TMEM204: variants seen among roughly 807,000 people sequenced by gnomAD.
TMEM204 encodes claudin-like protein 24.
A neutral mutation model predicts 19.4 loss-of-function variants in TMEM204; 15 were observed. That is an observed-to-expected ratio of 0.77 (90% CI 0.52 to 1.19). The LOEUF (loss-of-function observed/expected upper bound fraction) is 1.19, where lower values mean the gene tolerates loss of function less well. Among genes scored for constraint, TMEM204 ranks in the 50% most tolerant of loss-of-function variants. The pLI is 0.00. For synonymous variants in TMEM204, 161 were observed against 146.0 expected, an observed-to-expected ratio of 1.10 and a Z score of -0.74; for missense variants, 287 against 321.2, an observed-to-expected ratio of 0.89 and a Z score of 0.81.
chr16:1,539,953 G>A (rs532885015), intron 1 of TMEM204, among the ~76,000 whole-genome samples: 33 of 152,302 alleles, frequency 2.2e-4, no homozygotes, highest in Non-Finnish European at 2.6e-4. Context: ...CACCCAGGCC[G>A]GAGCGGGCAC....
At position 1,534,306 on chromosome 16, in the gene TMEM204, G is replaced by A. The variant is rs764949974; in HGVS notation, c.31G>A (p.Val11Met). Residue 11 changes from valine to methionine, a missense_variant, in exon 1 of 3, where the codon GTG becomes ATG. Transcript: ENST00000566264. The part of the protein sequence containing the change: MTVQRLVAAA[V>M]LVALVSLILN... ...CGTGCAGAGACTCGTGGCCGCGGCC[G>A]TGCTGGTGGCCCTGGTCTCACTCAT... 6.2e-6 allele frequency: 10 copies of A among 1,612,514 alleles called. No individual in the cohort carries two copies. The Admixed American group carries it at 8.3e-5, about 13-fold the overall frequency.
At chr16:1,537,592 T>C (rs570617935) in intron 1 of TMEM204, among the ~76,000 whole-genome samples, 85 of 152,314 alleles carry the variant, frequency 5.6e-4, no homozygotes, top group African/African-American at 1.9e-3. Flanking sequence ...AGGGGTGCTC[T>C]TTCCCTGTGA....
At chr16:1,546,303 C>T (rs550528733) in intron 2 of TMEM204, among the ~76,000 whole-genome samples, 6 of 152,342 alleles carry the variant, frequency 3.9e-5, no homozygotes, top group East Asian at 1.9e-4. Flanking sequence ...TGGCACTCTC[C>T]GGTGCCTGAG....
chr16:1,530,238 T>G (rs1052613101), upstream of TMEM204, among the ~76,000 whole-genome samples: 1 of 150,270 alleles, frequency 6.7e-6, no homozygotes, highest in Admixed American at 6.7e-5. Context: ...TCCCGAGTGA[T>G]TCTCCTGCCT....
rs532314838 is a variant in TMEM204 at position 1,551,078 on chromosome 16, G to A, written c.437-3704G>A. 2.6e-5 allele frequency among the ~76,000 whole-genome samples: 4 copies of A among 152,244 alleles called. No individual in the cohort carries two copies. The highest frequency in any genetic ancestry group is 4.2e-4 in the South Asian group (2 of 4,818). On this transcript the variant is annotated intron_variant, in intron 2 of 2. Coordinates refer to ENST00000566264, the MANE Select transcript of TMEM204 (RefSeq NM_024600.6). The surrounding 1 kb of genome is among the most constrained non-coding windows in gnomAD (Gnocchi z 4.0). ...ACTGCCAAGGCTGCTGTTCCTCCTC[G>A]CCTTTCCCGCAGCTCCACACTGCAT...
chr16:1,539,616 G>A (rs2031430596), intron 1 of TMEM204, among the ~76,000 whole-genome samples: 1 of 152,258 alleles, frequency 6.6e-6, no homozygotes, highest in Non-Finnish European at 1.5e-5. Context: ...GAGCGCTATG[G>A]TTTCTAACTC....
intron 2 of TMEM204, among the ~76,000 whole-genome samples, chr16:1,550,681 C>A (rs2032560930): frequency 6.6e-6 from 1 of 152,192 alleles, no homozygotes; most frequent in South Asian, 2.1e-4. Flanking sequence ...TTTAGCCTTC[C>A]CACTTTTAAT....
chr16:1,534,571 T>C lies in TMEM204; in HGVS notation c.280+16T>C, dbSNP rs759836186. On this transcript the variant is annotated intron_variant, in intron 1 of 2. Coordinates refer to ENST00000566264, the MANE Select transcript of TMEM204 (RefSeq NM_024600.6). ...ACCGTCAAACGTAAGTCCAATTGTT[T>C]TCCTGATGCCTTCAGCGTGGCCGAG... 19 of 1,599,502 alleles carry C rather than the reference T, an allele frequency of 1.2e-5. No homozygotes were observed. The East Asian group carries it at 4.0e-4, about 34-fold the overall frequency.
chr16:1,533,947 C>T lies in TMEM204; in HGVS notation c.-329C>T, dbSNP rs1174973233. 5.1e-6 allele frequency: 2 copies of T among 390,198 alleles called. No individual in the cohort carries two copies. Among genetic ancestry groups the T allele is most frequent in the South Asian group, 3.2e-5 (1 of 31,126 alleles). 24.2% of individuals were successfully genotyped at this position (390,198 alleles called of 1,614,324 possible). Reference sequence around the variant, plus strand: ...CCACTGCTGCAGGCGAGAAGAGGCACGCGCGGCACAGGCCGGCCTCCGCTT... The same window carrying T: ...CCACTGCTGCAGGCGAGAAGAGGCATGCGCGGCACAGGCCGGCCTCCGCTT... On this transcript the variant is annotated 5_prime_UTR_variant, in exon 1 of 3. It adds an upstream start codon to the 5' untranslated region. Transcript: ENST00000566264. This position sits in a 1 kb window ranked among gnomAD's most constrained non-coding sequence, Gnocchi z 4.7.
Position 1,534,281 on chromosome 16 carries a change from C to G in TMEM204, c.6C>G (p.Thr2=). M[T]VQRLVAAAVL... is the part of the protein sequence containing the mutation. Reference sequence around the variant, plus strand: ...CGGCGGCACCGGCGTCAGCGATGACCGTGCAGAGACTCGTGGCCGCGGCCG... The same window carrying G: ...CGGCGGCACCGGCGTCAGCGATGACGGTGCAGAGACTCGTGGCCGCGGCCG... The change falls in exon 1 of 3, where the codon ACC becomes ACG. Residue 2 remains threonine, a synonymous_variant. Transcript: ENST00000566264. 1.9e-6 allele frequency: 3 copies of G among 1,611,928 alleles called. No homozygotes were observed. Among genetic ancestry groups the G allele is most frequent in the Non-Finnish European group, 2.5e-6 (3 of 1,179,804 alleles).
chr16:1,546,594 C>T (rs1289576868), intron 2 of TMEM204, among the ~76,000 whole-genome samples: 2 of 152,210 alleles, frequency 1.3e-5, no homozygotes, highest in Non-Finnish European at 2.9e-5. Context: ...AGGCGCATCC[C>T]ACGTGCTCCC....
intron 2 of TMEM204, among the ~76,000 whole-genome samples, chr16:1,544,884 G>C (rs950365998): frequency 6.6e-6 from 1 of 152,144 alleles, no homozygotes; most frequent in Admixed American, 6.5e-5. Context: ...TCCTGACCTT[G>C]TGATCCGCCC....
In TMEM204 at chr16:1,554,107, G is replaced by A. The variant is rs188137734; in HGVS notation, c.437-675G>A. The A allele has an allele frequency of 3.3e-5, 42 of 1,287,176 alleles. No homozygotes were observed. In the East Asian group the frequency reaches 1.8e-3, roughly 56 times the overall value. The allele number at this position is 1,287,176 out of a possible 1,614,324, so 79.7% of individuals were successfully genotyped here. On this transcript the variant is annotated intron_variant, in intron 2 of 2. Transcript: ENST00000566264. ...GAGGAGGGAGGGTCTAGAACGAGAA[G>A]CACTGACTCGGAAGTGAGGGAAGAC...
chr16:1,532,053 C>T (rs374409960), upstream of TMEM204: 3 of 152,372 alleles, frequency 2.0e-5, no homozygotes, highest in South Asian at 2.1e-4. Context: ...CCTTCTGCAC[C>T]GTGTGCTTAG....
chr16:1,541,103 C>A (rs1259930934), intron 1 of TMEM204: 1 of 985,326 alleles, frequency 1.0e-6, no homozygotes, highest in Non-Finnish European at 1.2e-6. Flanking sequence ...TCACAGAAGG[C>A]TCCATCTGCC....
chr16:1,532,883 C>A (rs951709324), upstream of TMEM204: 3 of 152,324 alleles, frequency 2.0e-5, no homozygotes, highest in Non-Finnish European at 4.4e-5. Flanking sequence ...CACAAGGTGA[C>A]CTGCCTAGTC....
At chr16:1,534,587 C>T (rs142569689) in intron 1 of TMEM204, 32 bp downstream of exon 1, 91 of 1,596,570 alleles carry the variant, frequency 5.7e-5, no homozygotes, top group African/African-American at 1.1e-4. Flanking sequence ...ATGCCTTCAG[C>T]GTGGCCGAGG....
intron 2 of TMEM204, among the ~76,000 whole-genome samples, chr16:1,543,188 G>T (rs943393116): frequency 6.6e-6 from 1 of 152,248 alleles, no homozygotes; most frequent in Non-Finnish European, 1.5e-5. Flanking sequence ...GGAGCTGCCC[G>T]CACCCTCCTT....
intron 2 of TMEM204, among the ~76,000 whole-genome samples, chr16:1,545,548 G>C (rs1368643294): frequency 6.6e-6 from 1 of 152,170 alleles, no homozygotes; most frequent in Non-Finnish European, 1.5e-5. Context: ...GTTTTAAACA[G>C]TCAGGGAGAG....
Sources: gnomAD v4.1 joint callset for allele counts (sites outside exome capture counted in the v4.1 genomes callset) on GRCh38, gnomAD v4.1.1 for gene constraint, Gnocchi (gnomAD v3.1) non-coding constraint, MANE v1.5 for transcripts, NCBI Gene and HGNC (gene_info 2026-07-23, HGNC 2026-07-21) for gene names.